PLEKHM3: variants seen among roughly 807,000 people sequenced by gnomAD.
PLEKHM3 encodes pleckstrin homology domain containing M3, also known as pleckstrin homology domain-containing family M member 3.
Under a neutral mutation model 81.8 loss-of-function variants are expected in PLEKHM3, and 45 were observed. That is an observed-to-expected ratio of 0.55 (90% CI 0.43 to 0.71). The LOEUF (loss-of-function observed/expected upper bound fraction) is 0.71, where lower values mean the gene tolerates loss of function less well. Among genes scored for constraint, PLEKHM3 ranks in the 30% least tolerant of loss-of-function variants. The pLI is 0.00. For synonymous variants in PLEKHM3, 352 were observed against 356.4 expected (o/e 0.99, Z 0.14); for missense variants, 788 against 924.3 (o/e 0.85, Z 1.91).
intron 6 of PLEKHM3, among the ~76,000 whole-genome samples, chr2:207,880,762 C>CAAAAAAAAAAAAAAAAACAAAAAAAAAAA (rs2092585508): frequency 1.4e-4 from 1 of 6,976 alleles, no homozygotes; most frequent in African/African-American, 2.7e-4. Context: ...GACTCTGTCT[C>CAAAAAAAAAAAAAAAAACAAAAAAAAAAA]AAAAAAAAAA....
chr2:207,960,319 G>T (rs1400700116), intron 3 of PLEKHM3, among the ~76,000 whole-genome samples: 1 of 152,206 alleles, frequency 6.6e-6, no homozygotes, highest in Non-Finnish European at 1.5e-5. Context: ...ATTTCTGTCT[G>T]CTGTGGTAAG....
rs140495355 is a variant in PLEKHM3, at chr2:207,870,220, G to A, written c.1951-8958C>T. Among the ~76,000 whole-genome samples the A allele has an allele frequency of 6.9e-4, 105 of 152,280 alleles. 2 individuals carry two copies. Among genetic ancestry groups the A allele is most frequent in the African/African-American group, 2.1e-3 (86 of 41,560 alleles). On this transcript the variant is annotated intron_variant, in intron 6 of 7. Coordinates refer to ENST00000427836, the MANE Select transcript of PLEKHM3 (RefSeq NM_001080475.3). ...AAATTCAAAATTTATGGGGGGCGGA[G>A]AAGACAGAGAACTAGTAACCTGGGC...
chr2:207,882,560 C>G (rs1559220092), intron 6 of PLEKHM3, among the ~76,000 whole-genome samples: 2 of 146,544 alleles, frequency 1.4e-5, no homozygotes. Flanking sequence ...TGCAGTGAGC[C>G]CAGATCGCGT....
intron 5 of PLEKHM3, among the ~76,000 whole-genome samples, chr2:207,919,454 G>A (rs1298504082): frequency 3.3e-5 from 5 of 152,214 alleles, no homozygotes; most frequent in African/African-American, 1.2e-4. Flanking sequence ...AGGGGGATAA[G>A]GGTGGTGCAG....
intron 3 of PLEKHM3, among the ~76,000 whole-genome samples, chr2:207,947,722 C>T (rs1690182446): frequency 6.6e-6 from 1 of 152,210 alleles, no homozygotes; most frequent in East Asian, 1.9e-4. Flanking sequence ...ACAATTACTA[C>T]TACAACTACG....
chr2:207,937,039 A>G (rs1689779138), intron 4 of PLEKHM3, among the ~76,000 whole-genome samples: 1 of 152,186 alleles, frequency 6.6e-6, no homozygotes, highest in Non-Finnish European at 1.5e-5. Flanking sequence ...GATACACGAG[A>G]AAGGAGTGTT....
rs138762408 is a variant in PLEKHM3 at position 207,925,751 on chromosome 2, CA to C, written c.1886+5174del. Among the ~76,000 whole-genome samples, 484 of 152,280 alleles carry C rather than the reference CA, an allele frequency of 3.2e-3. 1 individual carries two copies. Among genetic ancestry groups the C allele is most frequent in the African/African-American group, 0.011 (461 of 41,558 alleles). On this transcript the variant is annotated intron_variant, in intron 5 of 7. Coordinates refer to ENST00000427836, the MANE Select transcript of PLEKHM3 (RefSeq NM_001080475.3). Reference sequence around the variant, plus strand: ...CTGCTCCAGGTAATGGTCCCTCCCTCAAATCACTGTACCGCAACTGCCTGAG... The same window carrying C: ...CTGCTCCAGGTAATGGTCCCTCCCTCAATCACTGTACCGCAACTGCCTGAG...
At chr2:207,965,784 T>C (rs1307893398) in intron 3 of PLEKHM3, among the ~76,000 whole-genome samples, 1 of 152,242 alleles carries the variant, frequency 6.6e-6, no homozygotes, top group Non-Finnish European at 1.5e-5. Context: ...ATTTATTTAA[T>C]GATAGACATC....
chr2:207,835,230 A>G (rs1294452799), intron 7 of PLEKHM3, among the ~76,000 whole-genome samples: 1 of 152,122 alleles, frequency 6.6e-6, no homozygotes, highest in Non-Finnish European at 1.5e-5. Flanking sequence ...GGTGTGAGCC[A>G]CCGTACCCTG....
In PLEKHM3 at chr2:207,910,666, T is replaced by A. The variant is rs116445578; in HGVS notation, c.1887-2089A>T. Among the ~76,000 whole-genome samples the A allele has an allele frequency of 6.7e-3, 1,018 of 152,180 alleles. 5 individuals are homozygous for A. Among genetic ancestry groups the A allele is most frequent in the African/African-American group, 0.023 (938 of 41,516 alleles). On this transcript the variant is annotated intron_variant, in intron 5 of 7. Coordinates refer to ENST00000427836, the MANE Select transcript of PLEKHM3 (RefSeq NM_001080475.3). ...CTGATCATCTAATTTAGTAATATCATGCATGTCTCTTCTGGATGGATGTTT... is the reference window on the plus strand; with the variant it reads ...CTGATCATCTAATTTAGTAATATCAAGCATGTCTCTTCTGGATGGATGTTT...
rs1222036702 is a variant in PLEKHM3 at position 207,970,624 on chromosome 2, CTT to C, written c.1546+6025_1546+6026del. Among the ~76,000 whole-genome samples, 5 of 152,122 alleles carry C rather than the reference CTT, an allele frequency of 3.3e-5. No homozygotes were observed. The East Asian group carries it at 9.6e-4, about 29-fold the overall frequency. On this transcript the variant is annotated intron_variant, in intron 3 of 7. Coordinates refer to ENST00000427836, the MANE Select transcript of PLEKHM3 (RefSeq NM_001080475.3). ...TAAGTTCCATCTTTGTGTTTCTTGC[CTT>C]TGATTCCCACTCAGACCCTGCCACT...
intron 5 of PLEKHM3, among the ~76,000 whole-genome samples, chr2:207,916,899 C>T (rs190911962): frequency 6.6e-6 from 1 of 152,010 alleles, no homozygotes; most frequent in East Asian, 1.9e-4. Flanking sequence ...ATATAACTTC[C>T]CAGAATTCCT....
At chr2:207,974,705 A>ATTT (rs1691242603) in intron 3 of PLEKHM3, among the ~76,000 whole-genome samples, 1 of 152,182 alleles carries the variant, frequency 6.6e-6, no homozygotes, top group African/African-American at 2.4e-5. Flanking sequence ...AATGTCAGTA[A>ATTT]TTTCTATTTT....
chr2:207,965,799 C>T (rs2106007061), intron 3 of PLEKHM3, among the ~76,000 whole-genome samples: 1 of 152,262 alleles, frequency 6.6e-6, no homozygotes, highest in South Asian at 2.1e-4. Context: ...GACATCAGAG[C>T]CAGGAAAAGA....
At chr2:207,952,604 G>A (rs1321559864) in intron 3 of PLEKHM3, among the ~76,000 whole-genome samples, 2 of 152,244 alleles carry the variant, frequency 1.3e-5, no homozygotes, top group Non-Finnish European at 2.9e-5. Context: ...TCCTCCCTGG[G>A]ATTAGCACAA....
rs771066722 is a variant in PLEKHM3 at position 207,931,099 on chromosome 2, C to T, written c.1713G>A (p.Glu571=). Residue 571 remains glutamate, a synonymous_variant, in exon 5 of 8, where the codon GAG becomes GAA. Transcript: ENST00000427836. ...SKYKVSKQAK[E]FLEYVYEEPL... ...GCTCTTCGTACACGTACTCCAGAAA[C>T]TCCTTGGCCTGCTTCGACACCTACA... The T allele has an allele frequency of 5.6e-6, 9 of 1,612,290 alleles. No individual in the cohort carries two copies. The highest frequency in any genetic ancestry group is 5.0e-5 in the Admixed American group (3 of 59,800).
intron 6 of PLEKHM3, chr2:207,870,007 A>T (rs2092524195): frequency 6.6e-6 from 1 of 152,192 alleles, no homozygotes; most frequent in Non-Finnish European, 1.5e-5. Context: ...CAATTAAGTT[A>T]AAAAATAACC....
intron 5 of PLEKHM3, among the ~76,000 whole-genome samples, chr2:207,910,077 T>C (rs943660638): frequency 6.6e-6 from 1 of 152,208 alleles, no homozygotes; most frequent in Non-Finnish European, 1.5e-5. Context: ...GAAAGCACTG[T>C]TTCACCCACA....
chr2:207,890,569 AG>A (rs1688030774), intron 6 of PLEKHM3, among the ~76,000 whole-genome samples: 1 of 152,208 alleles, frequency 6.6e-6, no homozygotes, highest in Non-Finnish European at 1.5e-5. Flanking sequence ...TGGAGGTTGC[AG>A]TGAGCCAAGA....
Sources: allele counts gnomAD v4.1 joint callset (sites outside exome capture counted in the v4.1 genomes callset), GRCh38; gene constraint gnomAD v4.1.1; transcripts MANE v1.5; gene names NCBI Gene and HGNC (gene_info 2026-07-23, HGNC 2026-07-21).